CCN6: variants seen among roughly 807,000 people sequenced by gnomAD.
CCN6 encodes cellular communication network factor 6, also known as CCN family member 6.
CCN6 carries 31 observed loss-of-function variants against 37.4 expected under a neutral mutation model. The ratio of observed to expected loss-of-function variants is 0.83; its 90% CI spans 0.62 to 1.12. The LOEUF (loss-of-function observed/expected upper bound fraction) is 1.12, where lower values mean the gene tolerates loss of function less well. Among genes scored for constraint, CCN6 ranks in the 50% most tolerant of loss-of-function variants. CCN6 has a pLI of 0.00. For synonymous variants in CCN6, 137 were observed against 142.1 expected, an observed-to-expected ratio of 0.96 and a Z score of 0.26; for missense variants, 369 against 413.8, an observed-to-expected ratio of 0.89 and a Z score of 0.94.
chr6:112,054,676 A>T, intron 1 of CCN6: 1 of 442,052 alleles, frequency 2.3e-6, no homozygotes, highest in Non-Finnish European at 4.2e-6. Context: ...ACGCTTTCCT[A>T]TATATTTTTA....
upstream of CCN6, among the ~76,000 whole-genome samples, chr6:112,053,044 G>A (rs1164795898): frequency 2.0e-5 from 3 of 152,150 alleles, no homozygotes; most frequent in Non-Finnish European, 4.4e-5. Context: ...GGAAAAGGAG[G>A]GATAGGTAAC....
intron 1 of CCN6, among the ~76,000 whole-genome samples, chr6:112,055,160 G>T (rs1275858581): frequency 2.0e-5 from 3 of 152,134 alleles, no homozygotes; most frequent in Non-Finnish European, 4.4e-5. Context: ...AGTTGATTGG[G>T]GCCATAAGTA....
intron 3 of CCN6, among the ~76,000 whole-genome samples, chr6:112,065,641 CACAA>C (rs1469114929): frequency 1.4e-4 from 22 of 151,748 alleles, no homozygotes; most frequent in South Asian, 1.0e-3. Flanking sequence ...CACACACACA[CACAA>C]ACACACACAT....
In CCN6 at chr6:112,064,877, A is replaced by T. The variant is rs587643325; in HGVS notation, c.469A>T (p.Ile157Leu). Residue 157 changes from isoleucine (I) to leucine (L), a missense_variant, in exon 3 of 5, where the codon ATA becomes TTA. Ile to Leu is a conservative substitution (Grantham distance 5, BLOSUM62 2). Coordinates refer to ENST00000368666, the MANE Select transcript of CCN6 (RefSeq NM_198239.2). ...GGCCATTGGATGCACACCTCTGTTC[A>T]TACCAAAGCTGGCTGGCAGTCACTG... is the stretch of plus-strand genomic sequence containing the variant. Reference protein sequence around the residue: ...SGAIGCTPLFIPKLAGSHCSG... With the variant: ...SGAIGCTPLFLPKLAGSHCSG... 1.4e-5 allele frequency: 23 copies of T among 1,614,130 alleles called. No individual in the cohort carries two copies. Among genetic ancestry groups the T allele is most frequent in the Non-Finnish European group, 1.9e-5 (23 of 1,179,982 alleles).
chr6:112,055,478 T>A (rs935517958), intron 1 of CCN6, among the ~76,000 whole-genome samples: 1 of 152,226 alleles, frequency 6.6e-6, no homozygotes, highest in Non-Finnish European at 1.5e-5. Flanking sequence ...TGGATTATTT[T>A]GTGCTTAACT....
upstream of CCN6, among the ~76,000 whole-genome samples, chr6:112,053,266 G>C (rs1776256428): frequency 6.6e-6 from 1 of 151,142 alleles, no homozygotes; most frequent in Non-Finnish European, 1.5e-5. Flanking sequence ...ATGAAGAAGA[G>C]GAGTACAAAC....
At position 112,060,288 on chromosome 6, in the gene CCN6, C is replaced by T. The variant is rs141606904; in HGVS notation, c.49-703C>T. On this transcript the variant is annotated intron_variant, in intron 1 of 4. Transcript: ENST00000368666. ...GACAAAGGAGCAAGGAAGGTGAACA[C>T]TCAGGAGGCTATTGTAATCATCCAA... 5.3e-4 allele frequency among the ~76,000 whole-genome samples: 81 copies of T among 152,230 alleles called. No individual in the cohort carries two copies. The Middle Eastern group carries it at 0.041, about 77-fold the overall frequency.
intron 4 of CCN6, 56 bp downstream of exon 4, chr6:112,068,454 G>A: frequency 2.7e-6 from 4 of 1,486,434 alleles, no homozygotes; most frequent in Non-Finnish European, 3.7e-6. Flanking sequence ...TGAAAAGTAA[G>A]CATGTGTGTG....
Position 112,069,582 on chromosome 6 carries a change from G to T in CCN6, c.1027G>T (p.Glu343Ter). The T allele has an allele frequency of 6.2e-7, 1 of 1,613,624 alleles. No individual in the cohort carries two copies. Among genetic ancestry groups the T allele is most frequent in the African/African-American group, 1.3e-5 (1 of 75,000 alleles). ...TTGTGTGTGTCAGAGAAACTGCAGA[G>T]AACCTGGAGATATATTTTCTGAGCT... is the stretch of plus-strand genomic sequence containing the variant. ...TSCVCQRNCR[E>*]PGDIFSELKI... is the part of the protein sequence containing the mutation. Residue 343 changes from glutamate (E) to a stop codon, truncating the protein, a stop_gained, in exon 5 of 5, where the codon GAA becomes TAA. Transcript: ENST00000368666. LOFTEE classifies it high-confidence loss of function.
At chr6:112,060,254 T>C (rs1776473764) in intron 1 of CCN6, among the ~76,000 whole-genome samples, 1 of 152,182 alleles carries the variant, frequency 6.6e-6, no homozygotes, top group South Asian at 2.1e-4. Flanking sequence ...TCATTCTGGA[T>C]GTCAAGTGGA....
chr6:112,059,539 A>G (rs1554312358), intron 1 of CCN6, among the ~76,000 whole-genome samples: 2 of 152,132 alleles, frequency 1.3e-5, no homozygotes, highest in Non-Finnish European at 2.9e-5. Context: ...TCCCCAGTGG[A>G]CCCAATGTAC....
At chr6:112,061,416 C>T in intron 2 of CCN6, 128 bp downstream of exon 2, 1 of 1,162,012 alleles carries the variant, frequency 8.6e-7, no homozygotes, top group Non-Finnish European at 1.3e-6. Flanking sequence ...TTTTCATGCA[C>T]CAGTGGGACT....
chr6:112,062,927 T>TC (rs147223335), intron 2 of CCN6, among the ~76,000 whole-genome samples: 3,278 of 152,338 alleles, frequency 0.022, 119 homozygotes, highest in African/African-American at 0.076. Context: ...GTGGGTTTTA[T>TC]CATTGATATT....
chr6:112,053,937 G>A, upstream of CCN6: 1 of 366,386 alleles, frequency 2.7e-6, no homozygotes, highest in Non-Finnish European at 5.3e-6. Flanking sequence ...AGGACCCGGA[G>A]CAGGGCAAAC....
At chr6:112,061,351 C>T in intron 2 of CCN6, 63 bp downstream of exon 2, 3 of 1,609,334 alleles carry the variant, frequency 1.9e-6, no homozygotes, top group South Asian at 1.1e-5. Context: ...TTTTTTCCTG[C>T]AATTGTTAGC....
chr6:112,065,143 T>C (rs1776642654), intron 3 of CCN6, 146 bp downstream of exon 3: 2 of 1,307,766 alleles, frequency 1.5e-6, no homozygotes, highest in Non-Finnish European at 2.2e-6. Context: ...ACTTAATCTT[T>C]GCCTCAGACA....
intron 2 of CCN6, 117 bp downstream of exon 2, chr6:112,061,405 GT>G: frequency 1.5e-6 from 2 of 1,323,338 alleles, no homozygotes; most frequent in Middle Eastern, 4.6e-4. Context: ...GGTGGGTTTA[GT>G]TTTCATGCAC....
chr6:112,065,624 A>ACACACACG (rs1562597738), intron 3 of CCN6, among the ~76,000 whole-genome samples: 2 of 88,074 alleles, frequency 2.3e-5, no homozygotes, highest in African/African-American at 1.0e-4. Flanking sequence ...ACACACACGC[A>ACACACACG]CGCACACACA....
At chr6:112,063,025 C>G (rs970151636) in intron 2 of CCN6, among the ~76,000 whole-genome samples, 12 of 152,204 alleles carry the variant, frequency 7.9e-5, no homozygotes, top group African/African-American at 2.6e-4. Flanking sequence ...TATGAAAAAA[C>G]ATGTAACTTA....
Sources: gnomAD v4.1 joint callset for allele counts (sites outside exome capture counted in the v4.1 genomes callset) on GRCh38, gnomAD v4.1.1 for gene constraint, MANE v1.5 for transcripts, NCBI Gene and HGNC (gene_info 2026-07-23, HGNC 2026-07-21) for gene names.